Variants in LAMC1 observed in about 807,000 individuals in gnomAD.
The protein encoded by LAMC1 is laminin subunit gamma-1.
LAMC1 carries 38 observed loss-of-function variants against 173.6 expected under a neutral mutation model. The ratio of observed to expected loss-of-function variants is 0.22; its 90% confidence interval spans 0.17 to 0.29. LAMC1 has a LOEUF of 0.29. Among genes scored for constraint, LAMC1 ranks in the 10% least tolerant of loss-of-function variants. The pLI is 1.00. For missense variants in LAMC1, 1,824 were observed against 2,051.8 expected, an observed-to-expected ratio of 0.89 and a Z score of 2.14; for synonymous variants, 746 against 749.1, an observed-to-expected ratio of 1.00 and a Z score of 0.07.
intron 2 of LAMC1, among the ~76,000 whole-genome samples, chr1:183,106,455 G>A (rs1249036828): frequency 2.0e-5 from 3 of 152,062 alleles, no homozygotes; most frequent in Non-Finnish European, 4.4e-5. Context: ...GCTTTTATGA[G>A]CTCTCCATGT....
At chr1:183,134,868 G>C (rs1656893339) in intron 23 of LAMC1, 59 bp downstream of exon 23, 1 of 1,535,088 alleles carries the variant, frequency 6.5e-7, no homozygotes, top group Non-Finnish European at 8.9e-7. Context: ...AGTCCAAATG[G>C]GTCTGTGATG....
intron 14 of LAMC1, 55 bp from the exon 15 acceptor site, chr1:183,125,342 T>C (rs1656590122): frequency 2.5e-6 from 4 of 1,582,680 alleles, no homozygotes; most frequent in African/African-American, 1.3e-5. Context: ...GTTTATATTT[T>C]AGTATTTCTC....
chr1:183,107,195 C>T (rs1288422245), intron 2 of LAMC1, among the ~76,000 whole-genome samples: 1 of 152,100 alleles, frequency 6.6e-6, no homozygotes, highest in Non-Finnish European at 1.5e-5. Context: ...AATAATAGTT[C>T]GCATACCTAC....
intron 27 of LAMC1, among the ~76,000 whole-genome samples, chr1:183,141,788 CTT>C (rs1657120558): frequency 6.6e-6 from 1 of 152,186 alleles, no homozygotes; most frequent in Non-Finnish European, 1.5e-5. Flanking sequence ...GGGTTAGTAT[CTT>C]TGCTTTGTTG....
intron 1 of LAMC1, among the ~76,000 whole-genome samples, chr1:183,066,334 G>A (rs1654872402): frequency 1.3e-5 from 2 of 152,196 alleles, no homozygotes; most frequent in African/African-American, 2.4e-5. Context: ...TGGGGAAATA[G>A]GAATGCTTTT....
intron 5 of LAMC1, 135 bp from the exon 6 acceptor site, chr1:183,115,385 C>T (rs1656288170): frequency 3.1e-6 from 2 of 655,404 alleles, no homozygotes. Context: ...TTTTTATTAC[C>T]TTTGTGACCA....
intron 1 of LAMC1, among the ~76,000 whole-genome samples, chr1:183,085,076 G>T (rs1030552100): frequency 6.6e-6 from 1 of 152,080 alleles, no homozygotes; most frequent in East Asian, 1.9e-4. Flanking sequence ...AATTAGCCGG[G>T]TGTGGTGGTG....
intron 21 of LAMC1, among the ~76,000 whole-genome samples, 166 bp downstream of exon 21, chr1:183,132,703 T>C (rs2102105893): frequency 6.6e-6 from 1 of 152,286 alleles, no homozygotes; most frequent in Non-Finnish European, 1.5e-5. Context: ...GAAGGGCATG[T>C]GAAGCCACAG....
chr1:183,041,122 G>C (rs1209168049), intron 1 of LAMC1, among the ~76,000 whole-genome samples: 1 of 152,140 alleles, frequency 6.6e-6, no homozygotes, highest in Non-Finnish European at 1.5e-5. Context: ...AGAAGGGGGA[G>C]CTCTGGTTTC....
intron 2 of LAMC1, among the ~76,000 whole-genome samples, chr1:183,106,083 GAGGCCCAGAA>G (rs2102071928): frequency 6.6e-6 from 1 of 152,254 alleles, no homozygotes; most frequent in East Asian, 1.9e-4. Flanking sequence ...TGAGGAATCA[GAGGCCCAGAA>G]AGGACATAAC....
In LAMC1 at chr1:183,143,013, C is replaced by G. The variant is rs1395161927; in HGVS notation, c.*223C>G. The stretch of plus-strand genomic sequence containing the variant: ...TCTAATAAAGTGTCTCTTCCATTCA[C>G]GTTGCTACCTTACCCACACTTTCCC... On this transcript the variant is annotated 3_prime_UTR_variant, in exon 28 of 28. Transcript: ENST00000258341. 2 of 490,600 alleles carry G rather than the reference C, an allele frequency of 4.1e-6. No individual in the cohort carries two copies. Among genetic ancestry groups the G allele is most frequent in the African/African-American group, 3.9e-5 (2 of 51,602 alleles). The allele number at this position is 490,600 out of a possible 1,614,324, so 30.4% of individuals were successfully genotyped here. A position where few individuals can be genotyped will look rare whatever the true frequency, so the allele number is the denominator to read the frequency against.
intron 1 of LAMC1, among the ~76,000 whole-genome samples, chr1:183,051,892 A>G (rs147593382): frequency 1.1e-3 from 160 of 152,316 alleles, no homozygotes; most frequent in Non-Finnish European, 1.6e-3. Context: ...TTGTGTGTCT[A>G]ATGAAGGGAA....
At chr1:183,130,603 A>T (rs1048857000) in intron 19 of LAMC1, 54 bp downstream of exon 19, 21 of 1,424,356 alleles carry the variant, frequency 1.5e-5, no homozygotes, top group Non-Finnish European at 1.9e-5. Flanking sequence ...TGGGGTTTGT[A>T]GCAAGTCTGT....
intron 1 of LAMC1, among the ~76,000 whole-genome samples, chr1:183,073,499 T>C (rs2102042717): frequency 6.6e-6 from 1 of 152,320 alleles, no homozygotes; most frequent in South Asian, 2.1e-4. Context: ...GCTTTTATCA[T>C]CTGTGTAAAG....
At chr1:183,141,778 G>C (rs1657120285) in intron 27 of LAMC1, among the ~76,000 whole-genome samples, 1 of 152,160 alleles carries the variant, frequency 6.6e-6, no homozygotes, top group Non-Finnish European at 1.5e-5. Context: ...AGTCTGACTT[G>C]GGTTAGTATC....
At position 183,023,711 on chromosome 1, in the gene LAMC1, G is replaced by A. The variant is rs1653599342; in HGVS notation, c.-6G>A. Reference sequence around the variant, plus strand: ...CTTCGCCGTGACCCAGCGTGCGGGCGGCGGGATGAGAGGGAGCCATCGGGC... The same window carrying A: ...CTTCGCCGTGACCCAGCGTGCGGGCAGCGGGATGAGAGGGAGCCATCGGGC... On this transcript the variant is annotated 5_prime_UTR_variant, in exon 1 of 28. Transcript: ENST00000258341. The A allele has an allele frequency of 8.5e-7, 1 of 1,179,248 alleles. No homozygotes were observed. The highest frequency in any genetic ancestry group is 1.6e-5 in the African/African-American group (1 of 62,086). 73.0% of individuals were successfully genotyped at this position (1,179,248 alleles called of 1,614,324 possible). A position where few individuals can be genotyped will look rare whatever the true frequency, so the allele number is the denominator to read the frequency against.
rs894370551 is a variant in LAMC1 at position 183,117,523 on chromosome 1, C to G, written c.1688-11C>G. ...CTCACATTCTTGCCCACCATTGTGT[C>G]TGTATTCCAGCAAAGTTCTTGGGCA... On this transcript the variant is annotated splice_polypyrimidine_tract_variant and intron_variant, in intron 9 of 27. Coordinates refer to ENST00000258341, the MANE Select transcript of LAMC1 (RefSeq NM_002293.4). The G allele has an allele frequency of 4.3e-6, 7 of 1,613,280 alleles. No individual in the cohort carries two copies. Among genetic ancestry groups the G allele is most frequent in the Non-Finnish European group, 5.9e-6 (7 of 1,179,466 alleles).
intron 1 of LAMC1, among the ~76,000 whole-genome samples, chr1:183,074,213 GT>G (rs1655075183): frequency 2.0e-5 from 3 of 152,110 alleles, no homozygotes; most frequent in Admixed American, 1.3e-4. Context: ...GTATTCACAA[GT>G]TTCTGTTCAT....
At position 183,126,273 on chromosome 1, in the gene LAMC1, T is replaced by C. The variant is rs867230795; in HGVS notation, c.2944+11T>C. On this transcript the variant is annotated intron_variant, in intron 16 of 27. Transcript: ENST00000258341. Reference sequence around the variant, plus strand: ...CTGAAGGCTGCAAACGTAAGGGGTGTTGGTGGCATACAACTCTAAGCTTCC... The same window carrying C: ...CTGAAGGCTGCAAACGTAAGGGGTGCTGGTGGCATACAACTCTAAGCTTCC... The C allele has an allele frequency of 6.2e-7, 1 of 1,611,534 alleles. No individual in the cohort carries two copies. Among genetic ancestry groups the C allele is most frequent in the Middle Eastern group, 1.7e-4 (1 of 6,042 alleles).
Sources: allele counts gnomAD v4.1 joint callset (sites outside exome capture counted in the v4.1 genomes callset), GRCh38; gene constraint gnomAD v4.1.1; transcripts MANE v1.5; gene names NCBI Gene and HGNC (gene_info 2026-07-23, HGNC 2026-07-21).